The following INO80 variants were observed in gnomAD, a reference collection of about 807,000 sequenced individuals.
INO80 encodes the protein INO80 complex ATPase subunit.
INO80 carries 20 observed loss-of-function variants against 203.4 expected under a neutral mutation model. The ratio of observed to expected loss-of-function variants is 0.10; its 90% CI spans 0.07 to 0.14. INO80 has a LOEUF of 0.14. Ranked by LOEUF, INO80 falls within the 10% of genes least tolerant of loss-of-function variation. The pLI, the probability that INO80 is intolerant of heterozygous loss-of-function variation, is 1.00. For synonymous variants in INO80, 726 were observed against 685.2 expected, an observed-to-expected ratio of 1.06 and a Z score of -0.93; for missense variants, 1,419 against 1,914.4, an observed-to-expected ratio of 0.74 and a Z score of 4.83.
intron 25 of INO80, among the ~76,000 whole-genome samples, chr15:41,022,034 T>C (rs1430938370): frequency 6.6e-6 from 1 of 152,250 alleles, no homozygotes; most frequent in African/African-American, 2.4e-5. Context: ...CTGACAAATA[T>C]GCTGAAAGCC....
At chr15:41,051,721 G>A (rs528512785) in intron 19 of INO80, among the ~76,000 whole-genome samples, 8 of 152,204 alleles carry the variant, frequency 5.3e-5, no homozygotes, top group African/African-American at 4.8e-5. Flanking sequence ...TTGGGAGGCC[G>A]AGGTGGGTGG....
intron 4 of INO80, among the ~76,000 whole-genome samples, chr15:41,092,646 A>G (rs1027681629): frequency 6.6e-6 from 1 of 152,224 alleles, no homozygotes; most frequent in Non-Finnish European, 1.5e-5. Flanking sequence ...GATGTAATTC[A>G]GCCATGAAAA....
intron 5 of INO80, among the ~76,000 whole-genome samples, chr15:41,088,400 T>C (rs966859998): frequency 2.0e-5 from 3 of 151,928 alleles, no homozygotes; most frequent in Non-Finnish European, 4.4e-5. Flanking sequence ...CCACTTCAAC[T>C]GGCCCTTCAT....
chr15:40,997,380 T>C (rs2043894205), intron 29 of INO80, 149 bp downstream of exon 29: 1 of 590,814 alleles, frequency 1.7e-6, no homozygotes, highest in Admixed American at 2.8e-5. Flanking sequence ...TAGAGTCTTT[T>C]AACACAAGAG....
At chr15:41,013,708 A>C (rs1425931325) in intron 27 of INO80, among the ~76,000 whole-genome samples, 1 of 152,234 alleles carries the variant, frequency 6.6e-6, no homozygotes, top group Non-Finnish European at 1.5e-5. Context: ...TAAAGGAAGA[A>C]CCATTAGTGT....
intron 32 of INO80, 108 bp downstream of exon 32, chr15:40,985,230 G>C (rs528895525): frequency 1.3e-6 from 1 of 771,050 alleles, no homozygotes; most frequent in African/African-American, 1.7e-5. Flanking sequence ...CACAGCTGGA[G>C]CTTGATAGCA....
chr15:41,097,848 G>C (rs1312391522), intron 1 of INO80, among the ~76,000 whole-genome samples: 1 of 151,784 alleles, frequency 6.6e-6, no homozygotes, highest in African/African-American at 2.4e-5. Context: ...ACCTACTCAG[G>C]AGACTGAGGC....
chr15:41,078,763 C>T (rs11856848), intron 9 of INO80, among the ~76,000 whole-genome samples: 83,060 of 151,974 alleles, frequency 0.55, 24,408 homozygotes, highest in African/African-American at 0.77. Context: ...TGCCTTCTTA[C>T]TCTCTCCTCT....
chr15:41,017,812 C>T (rs1464404211), intron 26 of INO80: 1 of 152,150 alleles, frequency 6.6e-6, no homozygotes, highest in East Asian at 1.9e-4. Context: ...TTGTTTGGTC[C>T]TGTTTAGATT....
At chr15:41,093,471 G>C (rs532909383) in intron 4 of INO80, among the ~76,000 whole-genome samples, 1 of 151,990 alleles carries the variant, frequency 6.6e-6, no homozygotes, top group African/African-American at 2.4e-5. Context: ...ACGGGTACGG[G>C]GTTCATTTCA....
At chr15:41,007,883 A>G (rs11070319) in intron 27 of INO80, among the ~76,000 whole-genome samples, 134,639 of 152,206 alleles carry the variant, frequency 0.88, 61,678 homozygotes, top group East Asian at 1. Context: ...GGGGCCAGGT[A>G]TGGTGGTTGG....
intron 14 of INO80, among the ~76,000 whole-genome samples, chr15:41,064,413 C>T (rs555002916): frequency 1.3e-5 from 2 of 152,050 alleles, no homozygotes; most frequent in African/African-American, 4.8e-5. Context: ...AGGGTCTCGC[C>T]CTGTTGCCTA....
At position 40,980,293 on chromosome 15, in the gene INO80, G is replaced by A. The variant is rs577749000; in HGVS notation, c.4601C>T (p.Thr1534Ile). ...CAGAGAGTCTGGGGCTAGGCTGCTG[G>A]TCATGTGGAGGTTCTTGGGATTCCC... is the stretch of plus-strand genomic sequence containing the variant. The part of the protein sequence containing the change: ...VPGNPKNLHM[T>I]SSLAPDSLVR... Residue 1534 changes from threonine to isoleucine, a missense_variant, in exon 36 of 36, where the codon ACC (threonine) becomes ATC (isoleucine). By Grantham distance (89) the Thr-to-Ile change is moderately conservative (BLOSUM62 -1). Around this residue, in one of 9 missense-constraint regions of INO80, gnomAD observed 112 missense variants for 106.2 expected, o/e 1.05. Transcript: ENST00000648947. The A allele has an allele frequency of 1.3e-4, 209 of 1,613,836 alleles. 1 individual carries two copies. In the South Asian group the frequency reaches 1.9e-3, roughly 15 times the overall value.
chr15:40,986,092 G>C (rs767933753), intron 31 of INO80, among the ~76,000 whole-genome samples: 12 of 152,164 alleles, frequency 7.9e-5, no homozygotes, highest in Non-Finnish European at 1.5e-4. Flanking sequence ...CTCACAGGAT[G>C]AATCTGAAAC....
At chr15:40,980,489 C>T in intron 35 of INO80, 49 bp from the exon 36 acceptor site, 1 of 1,437,536 alleles carries the variant, frequency 7.0e-7, no homozygotes, top group South Asian at 1.2e-5. Flanking sequence ...CCCGCGTAAG[C>T]TTCCTTGGAG....
At chr15:41,042,389 T>C (rs2044683124) in intron 24 of INO80, among the ~76,000 whole-genome samples, 1 of 152,012 alleles carries the variant, frequency 6.6e-6, no homozygotes, top group Non-Finnish European at 1.5e-5. Context: ...TGGGCTCAAA[T>C]GATACTCTCA....
Position 41,031,547 on chromosome 15 carries a change from G to GGAGGAAGGGAGGA in INO80, c.2908-3812_2908-3811insTCCTCCCTTCCTC, listed in dbSNP as rs1566919014. Among the ~76,000 whole-genome samples the GGAGGAAGGGAGGA allele has an allele frequency of 7.8e-4, 4 of 5,158 alleles. 1 individual carries two copies. The highest frequency in any genetic ancestry group is 1.9e-3 in the African/African-American group (4 of 2,152). 3.4% of individuals were successfully genotyped at this position (5,158 alleles called of 152,430 possible). A position where few individuals can be genotyped will look rare whatever the true frequency, so the allele number is the denominator to read the frequency against. ...GAGGAAGGAGAAGGGAGGAAGGGAG[G>GGAGGAAGGGAGGA]AGGGAGGAAGGGAGGAAGGGAGGAA... On this transcript the variant is annotated intron_variant, in intron 24 of 35. Transcript: ENST00000648947.
intron 16 of INO80, among the ~76,000 whole-genome samples, chr15:41,056,966 C>T (rs2044997920): frequency 6.6e-6 from 1 of 152,168 alleles, no homozygotes; most frequent in Non-Finnish European, 1.5e-5. Context: ...TGTATCATTT[C>T]TGGCTTTATA....
intron 1 of INO80, among the ~76,000 whole-genome samples, chr15:41,110,502 G>A (rs998739733): frequency 6.6e-6 from 1 of 152,080 alleles, no homozygotes; most frequent in Admixed American, 6.6e-5. Flanking sequence ...GCAGTGGCAG[G>A]ATCACAGCGC....
Sources: gnomAD v4.1 joint callset for allele counts (sites outside exome capture counted in the v4.1 genomes callset) on GRCh38, gnomAD v4.1.1 for gene constraint, gnomAD v4.1.1 regional missense constraint, MANE v1.5 for transcripts, NCBI Gene and HGNC (gene_info 2026-07-23, HGNC 2026-07-21) for gene names.